The following RNF150 variants were observed in gnomAD, a reference collection of about 807,000 sequenced individuals.
RNF150 encodes the protein ring finger protein 150.
In RNF150, 24 loss-of-function variants were observed where a neutral mutation model predicts 39.3. That is an observed-to-expected ratio of 0.61 (90% CI 0.44 to 0.86). The LOEUF (loss-of-function observed/expected upper bound fraction) is 0.86, where lower values mean the gene tolerates loss of function less well. RNF150 is among the 40% of genes least tolerant of loss of function. RNF150 has a pLI of 0.00. For synonymous variants in RNF150, 255 were observed against 227.3 expected (o/e 1.12, Z -1.10); for missense variants, 502 against 587.8 (o/e 0.85, Z 1.51).
intron 4 of RNF150, among the ~76,000 whole-genome samples, chr4:140,946,832 A>G (rs775507200): frequency 6.6e-6 from 1 of 152,212 alleles, no homozygotes; most frequent in Non-Finnish European, 1.5e-5. Flanking sequence ...TTGAAAGCCA[A>G]TCTTTCTAAA....
chr4:141,120,253 CA>C (rs1469813238), intron 1 of RNF150, among the ~76,000 whole-genome samples: 2 of 152,176 alleles, frequency 1.3e-5, no homozygotes, highest in Non-Finnish European at 2.9e-5. Flanking sequence ...GAATGAACAG[CA>C]GATGAAATAT....
intron 1 of RNF150, among the ~76,000 whole-genome samples, chr4:141,105,279 C>T (rs28433132): frequency 0.038 from 5,807 of 152,146 alleles, 371 homozygotes; most frequent in African/African-American, 0.13. Context: ...CAAAAATCTA[C>T]AGAAAACTTC....
chr4:140,900,036 G>A (rs1730134770), intron 6 of RNF150, among the ~76,000 whole-genome samples: 1 of 146,646 alleles, frequency 6.8e-6, no homozygotes, highest in Non-Finnish European at 1.5e-5. Context: ...AGATTAGTTT[G>A]GTGCAAAAGA....
At chr4:140,918,365 C>T (rs778434675) in intron 5 of RNF150, among the ~76,000 whole-genome samples, 50 of 152,016 alleles carry the variant, frequency 3.3e-4, no homozygotes, top group South Asian at 1.2e-3. Flanking sequence ...ACCACCGATC[C>T]CACAGAAATA....
intron 4 of RNF150, among the ~76,000 whole-genome samples, chr4:140,935,762 T>A (rs931369467): frequency 6.6e-6 from 1 of 152,228 alleles, no homozygotes; most frequent in Non-Finnish European, 1.5e-5. Context: ...TTGCATAGCT[T>A]CTTTGGTACT....
intron 1 of RNF150, among the ~76,000 whole-genome samples, chr4:140,976,062 T>A (rs1733652718): frequency 6.6e-6 from 1 of 152,166 alleles, no homozygotes; most frequent in Non-Finnish European, 1.5e-5. Context: ...TCCTTAACCT[T>A]CTTGCTTTGA....
chr4:140,868,288 G>A lies in RNF150; in HGVS notation c.1290C>T (p.Asp430=), dbSNP rs778036334. Residue 430 remains aspartate, a synonymous_variant, in exon 7 of 7, where the codon GAC becomes GAT. Transcript: ENST00000515673. ...VGLSDVELST[D]QDCEEVKS is the part of the protein sequence containing the mutation. ...AAGATTTCACTTCTTCACAGTCCTGGTCAGTGGAAAGTTCTACATCAGACA... is the reference window on the plus strand; with the variant it reads ...AAGATTTCACTTCTTCACAGTCCTGATCAGTGGAAAGTTCTACATCAGACA... The A allele has an allele frequency of 3.1e-6, 5 of 1,603,712 alleles. No homozygotes were observed. In the South Asian group the frequency reaches 4.4e-5, roughly 14 times the overall value.
At chr4:140,984,780 C>A (rs1288053531) in intron 1 of RNF150, among the ~76,000 whole-genome samples, 1 of 152,142 alleles carries the variant, frequency 6.6e-6, no homozygotes. Context: ...GAACTAATGA[C>A]TAAAAAAGTG....
chr4:141,006,037 C>G (rs1172609594), intron 1 of RNF150, among the ~76,000 whole-genome samples: 1 of 128,178 alleles, frequency 7.8e-6, no homozygotes, highest in Non-Finnish European at 1.7e-5. Flanking sequence ...CCACTGCACT[C>G]CAGCCTGGGC....
In RNF150 at chr4:140,969,763, T is replaced by C. The variant is rs960082025; in HGVS notation, c.485-1890A>G. ...AGAAATGCACAAGTTTTACTTTTTTTTTTTTTTTTTTTTTTTGAGACAGAG... is the reference window on the plus strand; with the variant it reads ...AGAAATGCACAAGTTTTACTTTTTTCTTTTTTTTTTTTTTTTGAGACAGAG... On this transcript the variant is annotated intron_variant, in intron 1 of 6. Transcript: ENST00000515673. 9.9e-5 allele frequency among the ~76,000 whole-genome samples: 14 copies of C among 141,002 alleles called. 1 individual carries two copies. Among genetic ancestry groups the C allele is most frequent in the Admixed American group, 5.7e-4 (8 of 13,928 alleles). 92.5% of individuals were successfully genotyped at this position (141,002 alleles called of 152,430 possible).
In RNF150 at chr4:140,982,764, C is replaced by T. The variant is rs114171069; in HGVS notation, c.485-14891G>A. Among the ~76,000 whole-genome samples the T allele has an allele frequency of 6.9e-3, 1,056 of 152,170 alleles. 14 individuals are homozygous for T. Among genetic ancestry groups the T allele is most frequent in the African/African-American group, 0.022 (922 of 41,530 alleles). ...TCCTTGAAATATCAAAGACACATGC[C>T]TTTGCTTATCACTTTAGTTTACAAC... On this transcript the variant is annotated intron_variant, in intron 1 of 6. Coordinates refer to ENST00000515673, the MANE Select transcript of RNF150 (RefSeq NM_020724.2).
At chr4:141,129,969 T>C (rs1726850028) in intron 1 of RNF150, among the ~76,000 whole-genome samples, 1 of 152,210 alleles carries the variant, frequency 6.6e-6, no homozygotes, top group Non-Finnish European at 1.5e-5. Flanking sequence ...TAAAACTTTT[T>C]AAAAACTGAA....
At chr4:141,012,171 CT>C in intron 1 of RNF150, among the ~76,000 whole-genome samples, 1 of 152,340 alleles carries the variant, frequency 6.6e-6, no homozygotes, top group African/African-American at 2.4e-5. Flanking sequence ...CTACAAAGAG[CT>C]TATGAAAGCT....
chr4:141,151,093 C>A (rs1371651043), intron 1 of RNF150, among the ~76,000 whole-genome samples: 1 of 151,830 alleles, frequency 6.6e-6, no homozygotes. Flanking sequence ...GCGTACATTA[C>A]CATACCTGGC....
rs1406063019 is a variant in RNF150 at position 140,923,701 on chromosome 4, G to A, written c.987+2276C>T. ...GTTTATTGCAGCACTATTCACAATA[G>A]CAAAGATTTGGAACCAACCCAAATG... On this transcript the variant is annotated intron_variant, in intron 5 of 6. Coordinates refer to ENST00000515673, the MANE Select transcript of RNF150 (RefSeq NM_020724.2). 3.3e-5 allele frequency among the ~76,000 whole-genome samples: 5 copies of A among 152,164 alleles called. No homozygotes were observed. In the East Asian group the frequency reaches 5.8e-4, roughly 18 times the overall value.
rs942713214 is a variant in RNF150, at chr4:141,035,313, G to C, written c.485-67440C>G. Among the ~76,000 whole-genome samples the C allele has an allele frequency of 3.3e-5, 5 of 152,238 alleles. No individual in the cohort carries two copies. In the South Asian group the frequency reaches 8.3e-4, roughly 25 times the overall value. ...GCTGGTGTGAGCCAGAATGAAAAAG[G>C]CTCCAAATAAGTGCTCCTTTCTGCT... On this transcript the variant is annotated intron_variant, in intron 1 of 6. Coordinates refer to ENST00000515673, the MANE Select transcript of RNF150 (RefSeq NM_020724.2).
At chr4:141,105,159 T>C (rs1240107955) in intron 1 of RNF150, among the ~76,000 whole-genome samples, 3 of 152,230 alleles carry the variant, frequency 2.0e-5, no homozygotes, top group Non-Finnish European at 2.9e-5. Context: ...ACAATGAAAG[T>C]ACCAAATGTA....
At chr4:141,155,186 A>G (rs1727363797) in intron 1 of RNF150, among the ~76,000 whole-genome samples, 1 of 152,038 alleles carries the variant, frequency 6.6e-6, no homozygotes, top group Non-Finnish European at 1.5e-5. Flanking sequence ...TCTGGGTTCA[A>G]ACAATTCTCC....
At chr4:141,145,447 G>A (rs540838609) in intron 1 of RNF150, among the ~76,000 whole-genome samples, 6 of 152,178 alleles carry the variant, frequency 3.9e-5, no homozygotes, top group Non-Finnish European at 8.8e-5. Context: ...TTTTGTAGAA[G>A]GATCTCAACA....
Sources: gnomAD v4.1 joint callset for allele counts (sites outside exome capture counted in the v4.1 genomes callset) on GRCh38, gnomAD v4.1.1 for gene constraint, MANE v1.5 for transcripts, NCBI Gene and HGNC (gene_info 2026-07-23, HGNC 2026-07-21) for gene names.